The following THRAP3 variants were observed in gnomAD, a reference collection of about 807,000 sequenced individuals.
The protein encoded by THRAP3 is thyroid hormone receptor associated protein 3.
A neutral mutation model predicts 101.0 loss-of-function variants in THRAP3; 16 were observed. That is an observed-to-expected ratio of 0.16 (90% CI 0.11 to 0.24). The LOEUF (loss-of-function observed/expected upper bound fraction) is 0.24. Ranked by LOEUF, THRAP3 falls within the 10% of genes least tolerant of loss-of-function variation. The pLI, the probability that THRAP3 is intolerant of heterozygous loss-of-function variation, is 1.00. For synonymous variants in THRAP3, 407 were observed against 422.6 expected (o/e 0.96, Z 0.45); for missense variants, 989 against 1,202.7 (o/e 0.82, Z 2.63).
In THRAP3 at chr1:36,270,423, A is replaced by T. The variant is rs535811047; in HGVS notation, c.-32+10939A>T. On this transcript the variant is annotated intron_variant, in intron 2 of 11. Coordinates refer to ENST00000354618, the MANE Select transcript of THRAP3 (RefSeq NM_005119.4). ...CACACACGCACACAGGCACACGCAC[A>T]CGCACGCATGCCTGCTCTCGCAGCT... Among the ~76,000 whole-genome samples, 3 of 152,222 alleles carry T rather than the reference A, an allele frequency of 2.0e-5. No homozygotes were observed. The South Asian group carries it at 6.2e-4, about 32-fold the overall frequency.
chr1:36,283,191 A>C (rs555198329), intron 3 of THRAP3, among the ~76,000 whole-genome samples: 1 of 152,392 alleles, frequency 6.6e-6, no homozygotes, highest in Admixed American at 6.5e-5. Flanking sequence ...AACAAGCTGC[A>C]TCTGTTTAGT....
intron 2 of THRAP3, among the ~76,000 whole-genome samples, chr1:36,275,150 C>T (rs923777784): frequency 6.9e-5 from 10 of 145,170 alleles, no homozygotes; most frequent in African/African-American, 2.5e-4. Flanking sequence ...ATTAGCTGGG[C>T]ATGGTGGCAG....
At chr1:36,230,030 C>G (rs950912498) in intron 1 of THRAP3, among the ~76,000 whole-genome samples, 1 of 146,684 alleles carries the variant, frequency 6.8e-6, no homozygotes, top group East Asian at 2.1e-4. Flanking sequence ...TCTCGGCTCA[C>G]TGCAACCTCC....
In THRAP3 at chr1:36,292,142, T is replaced by C. The variant is rs1268719015; in HGVS notation, c.1919-456T>C. On this transcript the variant is annotated intron_variant, in intron 6 of 11. Coordinates refer to ENST00000354618, the MANE Select transcript of THRAP3 (RefSeq NM_005119.4). ...GTTTGAACCAGCCATTTTTCCTTCC[T>C]CTTCTCAGTATGTTTGTTGTGTGGA... is the stretch of plus-strand genomic sequence containing the variant. Among the ~76,000 whole-genome samples the C allele has an allele frequency of 1.3e-5, 2 of 151,958 alleles. 1 individual carries two copies. The highest frequency in any genetic ancestry group is 2.9e-5 in the Non-Finnish European group (2 of 67,998).
intron 1 of THRAP3, among the ~76,000 whole-genome samples, chr1:36,236,224 GAA>G (rs1160026977): frequency 9.2e-6 from 1 of 108,680 alleles, no homozygotes; most frequent in Non-Finnish European, 1.9e-5. Context: ...AGTCTCAAAA[GAA>G]AAAAAAAAAA....
At chr1:36,291,675 T>A (rs1645870246) in intron 6 of THRAP3, 129 bp downstream of exon 6, 1 of 965,142 alleles carries the variant, frequency 1.0e-6, no homozygotes, top group Admixed American at 2.7e-5. Flanking sequence ...AGGGGCTGGC[T>A]TGAAGGAAAT....
Position 36,303,958 on chromosome 1 carries a change from G to A in THRAP3, c.2809G>A (p.Asp937Asn), listed in dbSNP as rs766505285. 1.9e-6 allele frequency: 3 copies of A among 1,611,062 alleles called. No homozygotes were observed. Among genetic ancestry groups the A allele is most frequent in the South Asian group, 1.1e-5 (1 of 90,670 alleles). Residue 937 changes from aspartate (D) to asparagine (N), a missense_variant, in exon 12 of 12, where the codon GAC (aspartate) becomes AAC (asparagine). Transcript: ENST00000354618. ...TGGGGAGGAAGGGGAGATTGAAGAC[G>A]ACGAGAGTGGGACAGAGAACCGAGA... Reference protein sequence around the residue: ...FSGEEGEIEDDESGTENREEK... With the variant: ...FSGEEGEIEDNESGTENREEK...
intron 8 of THRAP3, 72 bp from the exon 9 acceptor site, chr1:36,296,511 C>T: frequency 7.4e-7 from 1 of 1,343,448 alleles, no homozygotes. Context: ...GAGTAAAAAC[C>T]ACAGTTTGTG....
chr1:36,217,819 A>C, the THRAP3 span, among the ~76,000 whole-genome samples: 1 of 152,138 alleles, frequency 6.6e-6, no homozygotes, highest in African/African-American at 2.4e-5. Flanking sequence ...CTGCTCCACC[A>C]ACTGGCCATT....
At chr1:36,263,933 A>G (rs896228910) in intron 2 of THRAP3, among the ~76,000 whole-genome samples, 17 of 152,370 alleles carry the variant, frequency 1.1e-4, no homozygotes, top group Admixed American at 7.8e-4. Context: ...TCTTGATAAT[A>G]CGACCTTTCC....
chr1:36,288,131 C>T (rs1645818918), intron 4 of THRAP3: 1 of 983,616 alleles, frequency 1.0e-6, no homozygotes, highest in Admixed American at 6.2e-5. Flanking sequence ...TACTTGCCTT[C>T]AGTAAGTCTG....
intron 2 of THRAP3, among the ~76,000 whole-genome samples, chr1:36,281,662 T>G (rs1232149554): frequency 6.6e-6 from 1 of 152,162 alleles, no homozygotes; most frequent in African/African-American, 2.4e-5. Flanking sequence ...TGGGGGAATC[T>G]TCCTATGTTG....
the THRAP3 span, among the ~76,000 whole-genome samples, chr1:36,213,967 G>GGAA: frequency 1.0e-5 from 1 of 97,956 alleles, no homozygotes; most frequent in African/African-American, 4.6e-5. Context: ...AAGAAGGAAA[G>GGAA]AGAAAGAAAG....
At chr1:36,244,724 T>G (rs1163064439) in intron 1 of THRAP3, among the ~76,000 whole-genome samples, 1 of 148,820 alleles carries the variant, frequency 6.7e-6, no homozygotes, top group Admixed American at 6.7e-5. Flanking sequence ...ACTTGTGGGT[T>G]TTTTTTTTTT....
intron 1 of THRAP3, among the ~76,000 whole-genome samples, chr1:36,250,814 T>C (rs1210351261): frequency 6.6e-6 from 1 of 151,976 alleles, no homozygotes; most frequent in Non-Finnish European, 1.5e-5. Flanking sequence ...TGGCGCAATC[T>C]CAGCTCACTG....
At chr1:36,248,994 G>A (rs1288888136) in intron 1 of THRAP3, among the ~76,000 whole-genome samples, 1 of 151,154 alleles carries the variant, frequency 6.6e-6, no homozygotes, top group African/African-American at 2.4e-5. Flanking sequence ...TCTTTCTCCT[G>A]GGTTCAAATG....
chr1:36,209,853 C>T, the THRAP3 span, among the ~76,000 whole-genome samples: 2 of 152,220 alleles, frequency 1.3e-5, no homozygotes, highest in Middle Eastern at 6.8e-3. Flanking sequence ...TCACTGCCAC[C>T]CCAAAGGGGA....
intron 9 of THRAP3, among the ~76,000 whole-genome samples, chr1:36,299,305 G>A (rs1645999591): frequency 1.3e-5 from 2 of 151,762 alleles, no homozygotes; most frequent in Non-Finnish European, 2.9e-5. Context: ...CGGGCATGGT[G>A]GTGGGTGCCT....
intron 4 of THRAP3, chr1:36,288,458 T>G: frequency 1.0e-6 from 1 of 985,466 alleles, no homozygotes; most frequent in Non-Finnish European, 1.2e-6. Context: ...GAGCATGAGC[T>G]CTGCTTTTCC....
Sources: allele counts gnomAD v4.1 joint callset (sites outside exome capture counted in the v4.1 genomes callset), GRCh38; gene constraint gnomAD v4.1.1; transcripts MANE v1.5; gene names NCBI Gene and HGNC (gene_info 2026-07-23, HGNC 2026-07-21).